SEC23A: variants seen among roughly 807,000 people sequenced by gnomAD.
The protein encoded by SEC23A is protein transport protein Sec23A.
A neutral mutation model predicts 103.7 loss-of-function variants in SEC23A; 56 were observed. The ratio of observed to expected loss-of-function variants is 0.54; its 90% CI spans 0.44 to 0.67. SEC23A has a LOEUF of 0.67. SEC23A is among the 30% of genes least tolerant of loss of function. The pLI, the probability that SEC23A is intolerant of heterozygous loss-of-function variation, is 0.00. For missense variants in SEC23A, 784 were observed against 936.4 expected (o/e 0.84, Z 2.12); for synonymous variants, 281 against 293.0 (o/e 0.96, Z 0.42).
chr14:39,048,706 A>G lies in SEC23A; in HGVS notation c.1683T>C (p.His561=), dbSNP rs553351437. 5.0e-6 allele frequency: 8 copies of G among 1,586,998 alleles called. No homozygotes were observed. The African/African-American group carries it at 9.4e-5, about 19-fold the overall frequency. Residue 561 remains histidine (H), a synonymous_variant, in exon 15 of 20, where the codon CAT becomes CAC. Coordinates refer to ENST00000307712, the MANE Select transcript of SEC23A (RefSeq NM_006364.4). ...ATCTGAAGGAACTTGGGTCATCTTT[A>G]TGATATTCTCCAAATTTCTGACACT... is the stretch of plus-strand genomic sequence containing the variant. ...IRLCQKFGEY[H]KDDPSSFRFS...
chr14:39,088,686 TCG>T (rs1239296897), intron 5 of SEC23A: 1 of 151,472 alleles, frequency 6.6e-6, no homozygotes, highest in Non-Finnish European at 1.5e-5. Flanking sequence ...TGAGCTGAGA[TCG>T]TGCCACCGCA....
intron 5 of SEC23A, among the ~76,000 whole-genome samples, chr14:39,089,339 G>A (rs938519304): frequency 1.3e-5 from 2 of 151,848 alleles, no homozygotes; most frequent in Admixed American, 1.3e-4. Context: ...TAATTCTCAT[G>A]ACTACACTAT....
chr14:39,062,669 G>A (rs909305288), intron 12 of SEC23A, among the ~76,000 whole-genome samples: 1 of 151,856 alleles, frequency 6.6e-6, no homozygotes, highest in Non-Finnish European at 1.5e-5. Flanking sequence ...GTTTTTGTGT[G>A]TTGTTTTGTT....
intron 3 of SEC23A, 23 bp downstream of exon 3, chr14:39,093,164 G>T: frequency 1.2e-6 from 2 of 1,607,942 alleles, no homozygotes; most frequent in South Asian, 1.1e-5. Context: ...ACTGCGCCCG[G>T]CATGCAATGG....
At chr14:39,076,197 T>C in intron 7 of SEC23A, 104 bp from the exon 8 acceptor site, 5 of 925,304 alleles carry the variant, frequency 5.4e-6, no homozygotes, top group Non-Finnish European at 8.1e-6. Flanking sequence ...GCATATATTT[T>C]CTAAGAAATA....
chr14:39,059,391 A>T (rs904378162), intron 13 of SEC23A, among the ~76,000 whole-genome samples: 4 of 151,912 alleles, frequency 2.6e-5, no homozygotes, highest in East Asian at 1.9e-4. Flanking sequence ...ACACAATGCT[A>T]TAAATGGCAC....
At position 39,032,035 on chromosome 14, in the gene SEC23A, A is replaced by C. The variant is rs1885322570; in HGVS notation, c.*1204T>G. The C allele has an allele frequency of 1.3e-5, 2 of 152,652 alleles. No homozygotes were observed. The highest frequency in any genetic ancestry group is 4.8e-5 in the African/African-American group (2 of 41,460). 9.5% of individuals were successfully genotyped at this position (152,652 alleles called of 1,614,324 possible). A position where few individuals can be genotyped will look rare whatever the true frequency, so the allele number is the denominator to read the frequency against. On this transcript the variant is annotated 3_prime_UTR_variant, in exon 20 of 20. Transcript: ENST00000307712. ...TATAACACATAAACAATTTTTTCTT[A>C]AGTTTCTGCTTTACCATCATATGAT...
At chr14:39,102,024 G>T (rs913875068) in intron 1 of SEC23A, among the ~76,000 whole-genome samples, 8 of 152,138 alleles carry the variant, frequency 5.3e-5, no homozygotes, top group African/African-American at 1.9e-4. Flanking sequence ...CTGAGGTCAG[G>T]AGTTCGAGAC....
chr14:39,082,082 C>T (rs1301289043), intron 7 of SEC23A, among the ~76,000 whole-genome samples: 1 of 152,058 alleles, frequency 6.6e-6, no homozygotes, highest in Non-Finnish European at 1.5e-5. Context: ...AAACATGCGG[C>T]ATTTAATAAG....
chr14:39,080,658 G>A (rs182442551), intron 7 of SEC23A, among the ~76,000 whole-genome samples: 35 of 152,110 alleles, frequency 2.3e-4, no homozygotes, highest in Non-Finnish European at 4.6e-4. Context: ...CGCCTGCCTC[G>A]GCCTCCCAAA....
At chr14:39,066,404 A>C (rs932481726) in intron 10 of SEC23A, among the ~76,000 whole-genome samples, 2 of 152,222 alleles carry the variant, frequency 1.3e-5, no homozygotes, top group African/African-American at 4.8e-5. Flanking sequence ...ATTTGAAATA[A>C]ATGATAGAAT....
intron 7 of SEC23A, among the ~76,000 whole-genome samples, chr14:39,081,069 G>A (rs1394145443): frequency 1.3e-5 from 2 of 152,098 alleles, no homozygotes; most frequent in East Asian, 1.9e-4. Flanking sequence ...GGGCATAGTG[G>A]CATGGGCCTA....
intron 9 of SEC23A, 23 bp from the exon 10 acceptor site, chr14:39,067,319 C>A: frequency 1.2e-6 from 2 of 1,612,420 alleles, no homozygotes; most frequent in Non-Finnish European, 1.7e-6. Flanking sequence ...AACAAAAAAA[C>A]AACATACTTG....
intron 1 of SEC23A, among the ~76,000 whole-genome samples, chr14:39,102,346 G>C (rs1888133267): frequency 6.6e-6 from 1 of 152,216 alleles, no homozygotes; most frequent in Admixed American, 6.5e-5. Context: ...TTTAAACCAA[G>C]TTAATTTGGC....
chr14:39,067,259 A>C lies in SEC23A; in HGVS notation c.1141T>G (p.Leu381Val). The C allele has an allele frequency of 6.2e-7, 1 of 1,613,732 alleles. No individual in the cohort carries two copies. Among genetic ancestry groups the C allele is most frequent in the Non-Finnish European group, 8.5e-7 (1 of 1,179,788 alleles). The change falls in exon 10 of 20, where the codon TTA (leucine) becomes GTA (valine). Residue 381 changes from leucine (L) to valine (V), a missense_variant. Leu to Val is a conservative substitution (Grantham distance 32). Coordinates refer to ENST00000307712, the MANE Select transcript of SEC23A (RefSeq NM_006364.4). ...MVMGDSFNTS[L>V]FKQTFQRVFT... ...ACTCTTTGAAAAGTTTGTTTGAATAAGGAAGTATTGAAAGAATCACCCATT... is the reference window on the plus strand; with the variant it reads ...ACTCTTTGAAAAGTTTGTTTGAATACGGAAGTATTGAAAGAATCACCCATT...
intron 9 of SEC23A, among the ~76,000 whole-genome samples, chr14:39,067,605 A>G (rs1195449306): frequency 6.6e-6 from 1 of 151,494 alleles, no homozygotes; most frequent in Non-Finnish European, 1.5e-5. Context: ...ACAGAAGAGT[A>G]TATAGTAACA....
intron 7 of SEC23A, among the ~76,000 whole-genome samples, chr14:39,084,957 T>C (rs10132034): frequency 0.93 from 141,086 of 152,242 alleles, 65,479 homozygotes; most frequent in East Asian, 0.97. Flanking sequence ...AGGCATGAGG[T>C]GCCCAGCCAA....
chr14:39,101,694 C>A (rs1888103281), intron 1 of SEC23A, among the ~76,000 whole-genome samples: 1 of 151,410 alleles, frequency 6.6e-6, no homozygotes, highest in South Asian at 2.1e-4. Context: ...CCCTTTTATT[C>A]ATATCTAATT....
At position 39,094,635 on chromosome 14, in the gene SEC23A, C is replaced by T. The variant is rs74735416; in HGVS notation, c.221+1263G>A. Among the ~76,000 whole-genome samples, 6 of 151,746 alleles carry T rather than the reference C, an allele frequency of 4.0e-5. No individual in the cohort carries two copies. In the East Asian group the frequency reaches 1.2e-3, roughly 29 times the overall value. On this transcript the variant is annotated intron_variant, in intron 2 of 19. Transcript: ENST00000307712. ...GAATGTGAGAATGTGTTTAAGAGGG[C>T]TGCTTTAAAAAACAGCCTTCTTAAA...
Sources: gnomAD v4.1 joint callset for allele counts (sites outside exome capture counted in the v4.1 genomes callset) on GRCh38, gnomAD v4.1.1 for gene constraint, MANE v1.5 for transcripts, NCBI Gene and HGNC (gene_info 2026-07-23, HGNC 2026-07-21) for gene names.